The following C12orf42 variants were observed in gnomAD, a reference collection of about 807,000 sequenced individuals.
C12orf42 encodes chromosome 12 open reading frame 42.
A neutral mutation model predicts 21.6 loss-of-function variants in C12orf42; 25 were observed. The observed-to-expected ratio is 1.16, with a 90% CI of 0.84 to 1.62. C12orf42 has a LOEUF of 1.62. C12orf42 is among the 40% of genes most tolerant of loss of function. C12orf42 has a pLI of 0.00. For synonymous variants in C12orf42, 174 were observed against 175.0 expected (o/e 0.99, Z 0.05); for missense variants, 483 against 459.3 (o/e 1.05, Z -0.47).
chr12:103,067,260 C>T, the C12orf42 span, among the ~76,000 whole-genome samples: 1 of 152,218 alleles, frequency 6.6e-6, no homozygotes. Flanking sequence ...CCCATGGACT[C>T]ACAGAATGCC....
chr12:103,306,234 T>C lies in C12orf42; in HGVS notation c.371A>G (p.Tyr124Cys), dbSNP rs766395571. 32 of 1,613,828 alleles carry C rather than the reference T, an allele frequency of 2.0e-5. No individual in the cohort carries two copies. The Admixed American group carries it at 3.2e-4, about 16-fold the overall frequency. The change falls in exon 5 of 6, where the codon TAT becomes TGT. Residue 124 changes from tyrosine to cysteine, a missense_variant. Transcript: ENST00000548883. ...TGCTGGAGAGGAACGGAATTCTTCA[T>C]AGCTTTCTTCATCAAAAGAAACTGT... ...VSTVSFDEESYEEFRSSPAPS... is the reference protein window; with the variant it reads ...VSTVSFDEESCEEFRSSPAPS...
At chr12:103,340,639 A>G (rs949163083) in intron 4 of C12orf42, among the ~76,000 whole-genome samples, 4 of 152,004 alleles carry the variant, frequency 2.6e-5, no homozygotes, top group African/African-American at 9.7e-5. Context: ...GAGGCAAAGG[A>G]GCAAAGACAT....
chr12:103,305,343 C>T (rs2038172140), intron 5 of C12orf42, among the ~76,000 whole-genome samples: 3 of 152,122 alleles, frequency 2.0e-5, no homozygotes, highest in Non-Finnish European at 4.4e-5. Context: ...ATCACCACCC[C>T]CATTAAGCCC....
At chr12:103,307,227 G>A (rs567615758) in intron 4 of C12orf42, among the ~76,000 whole-genome samples, 4 of 152,262 alleles carry the variant, frequency 2.6e-5, no homozygotes, top group African/African-American at 9.6e-5. Context: ...GTTGAAACTT[G>A]AATCCACATC....
At position 103,286,031 on chromosome 12, in the gene C12orf42, A is replaced by G. The variant is rs1593286723; in HGVS notation, n.338-8821T>C. ...GGGGGTGCCAAGGCAGGCGGATTGC[A>G]AGGTCAGGAGATCGGGACCATTCTT... On this transcript the variant is annotated intron_variant and non_coding_transcript_variant, in intron 4 of 6. Transcript: ENST00000546526. Among the ~76,000 whole-genome samples the G allele has an allele frequency of 3.3e-5, 5 of 152,236 alleles. 1 individual carries two copies. Among genetic ancestry groups the G allele is most frequent in the Admixed American group, 3.3e-4 (5 of 15,290 alleles).
the C12orf42 span, among the ~76,000 whole-genome samples, chr12:103,194,529 G>T: frequency 6.6e-6 from 1 of 151,794 alleles, no homozygotes; most frequent in Non-Finnish European, 1.5e-5. Flanking sequence ...TAACAACAAA[G>T]CATACCAAAA....
At chr12:103,273,887 G>A (rs1345357057) in intron 5 of C12orf42, 2 of 456,094 alleles carry the variant, frequency 4.4e-6, no homozygotes, top group East Asian at 1.4e-4. Flanking sequence ...ATTTTACCTA[G>A]AAAGCCAAAG....
At chr12:103,527,049 C>T in the C12orf42 span, among the ~76,000 whole-genome samples, 4,544 of 152,118 alleles carry the variant, frequency 0.03, 229 homozygotes, top group African/African-American at 0.1. Context: ...ACCCAATTGA[C>T]TTCTGGCAGC....
At chr12:103,516,503 G>A in the C12orf42 span, among the ~76,000 whole-genome samples, 4 of 152,206 alleles carry the variant, frequency 2.6e-5, no homozygotes, top group Non-Finnish European at 4.4e-5. Context: ...AGTTCCACAT[G>A]GCTGGAGAGG....
At position 103,401,648 on chromosome 12, in the gene C12orf42, T is replaced by G. The variant is rs112545586; in HGVS notation, c.106A>C (p.Ser36Arg). The change falls in exon 3 of 6, where the codon AGC becomes CGC. Residue 36 changes from serine to arginine, a missense_variant. Physicochemically the swap from Ser to Arg is moderately radical, Grantham distance 110 (BLOSUM62 -1). Transcript: ENST00000548883. ...CTTCTATCCCACAGGGTGGCACTGC[T>G]CACAATGGGAATATAGCAAGGGGAT... ...QKSPCYIPIV[S>R]SATLWDRSTP... 221 of 1,613,832 alleles carry G rather than the reference T, an allele frequency of 1.4e-4. No homozygotes were observed. Among genetic ancestry groups the G allele is most frequent in the Non-Finnish European group, 1.7e-4 (202 of 1,179,836 alleles).
chr12:103,059,928 C>T, the C12orf42 span, among the ~76,000 whole-genome samples: 30 of 152,248 alleles, frequency 2.0e-4, no homozygotes, highest in East Asian at 2.9e-3. Context: ...CACAAGACAA[C>T]GATGCCGTCT....
At chr12:103,309,933 A>T (rs1412999571) in intron 4 of C12orf42, among the ~76,000 whole-genome samples, 2 of 152,234 alleles carry the variant, frequency 1.3e-5, no homozygotes. Context: ...ATAAGGGTCC[A>T]AGTAGGGATA....
At chr12:103,110,343 A>G in the C12orf42 span, among the ~76,000 whole-genome samples, 1 of 152,234 alleles carries the variant, frequency 6.6e-6, no homozygotes, top group South Asian at 2.1e-4. Flanking sequence ...AAACACACAA[A>G]GCAAGATTAC....
At chr12:103,359,150 T>A (rs1324264710) in intron 4 of C12orf42, among the ~76,000 whole-genome samples, 5 of 152,190 alleles carry the variant, frequency 3.3e-5, no homozygotes, top group African/African-American at 1.2e-4. Context: ...ATGGCCCCAA[T>A]CCTCTTCAAT....
At chr12:103,407,254 C>T (rs1379145111) in intron 2 of C12orf42, among the ~76,000 whole-genome samples, 4 of 151,928 alleles carry the variant, frequency 2.6e-5, no homozygotes, top group African/African-American at 9.7e-5. Context: ...TGCATTTTTA[C>T]ATAATGATTT....
chr12:103,352,317 C>T (rs1177760729), intron 4 of C12orf42, among the ~76,000 whole-genome samples: 1 of 152,112 alleles, frequency 6.6e-6, no homozygotes, highest in African/African-American at 2.4e-5. Flanking sequence ...AGGGATGGTG[C>T]TGTGCAGGAT....
At chr12:103,297,027 A>C (rs1202866224), downstream of C12orf42, among the ~76,000 whole-genome samples, 2 of 152,134 alleles carry the variant, frequency 1.3e-5, no homozygotes. Context: ...ATCTTGAATT[A>C]ATTTTTGTAT....
chr12:103,408,052 T>G (rs2138842230), intron 2 of C12orf42, among the ~76,000 whole-genome samples: 1 of 152,290 alleles, frequency 6.6e-6, no homozygotes, highest in East Asian at 1.9e-4. Context: ...TGGTAGGACT[T>G]AGTCTAGCCA....
In C12orf42 at chr12:103,443,380, G is replaced by T. The variant is rs1592837810; in HGVS notation, c.78+34969C>A. On this transcript the variant is annotated intron_variant, in intron 2 of 5. Transcript: ENST00000548883. ...CTAAGCCTGATGTTTCCTCCATGTTGCAAATAAGGAAAATTAGTGCACTCT... is the reference window on the plus strand; with the variant it reads ...CTAAGCCTGATGTTTCCTCCATGTTTCAAATAAGGAAAATTAGTGCACTCT... Among the ~76,000 whole-genome samples the T allele has an allele frequency of 2.6e-5, 4 of 151,912 alleles. No individual in the cohort carries two copies. In the South Asian group the frequency reaches 8.3e-4, roughly 31 times the overall value.
Sources: gnomAD v4.1 joint callset for allele counts (sites outside exome capture counted in the v4.1 genomes callset) on GRCh38, gnomAD v4.1.1 for gene constraint, MANE v1.5 for transcripts, NCBI Gene and HGNC (gene_info 2026-07-23, HGNC 2026-07-21) for gene names.